Variants in PACSIN2 observed in about 807,000 individuals in gnomAD.
PACSIN2 encodes the protein protein kinase C and casein kinase substrate in neurons protein 2.
In PACSIN2, 25 loss-of-function variants were observed where a neutral mutation model predicts 63.8. The ratio of observed to expected loss-of-function variants is 0.39; its 90% CI spans 0.29 to 0.55. The LOEUF is 0.55. PACSIN2 is among the 20% of genes least tolerant of loss of function. The pLI is 0.62. For missense variants in PACSIN2, 518 were observed against 646.9 expected (o/e 0.80, Z 2.16); for synonymous variants, 255 against 256.2 (o/e 1.00, Z 0.05).
intron 1 of PACSIN2, among the ~76,000 whole-genome samples, chr22:42,953,117 TA>T (rs1287760543): frequency 4.0e-5 from 6 of 151,828 alleles, no homozygotes; most frequent in Non-Finnish European, 5.9e-5. Flanking sequence ...TTGCAGGATT[TA>T]AAAAAATCAG....
At chr22:42,987,259 A>G (rs1922680381) in intron 1 of PACSIN2, among the ~76,000 whole-genome samples, 2 of 152,128 alleles carry the variant, frequency 1.3e-5, no homozygotes, top group African/African-American at 4.8e-5. Context: ...AAGTGATAAC[A>G]GCACTAACCT....
At chr22:42,883,453 T>G (rs748838275) in intron 6 of PACSIN2, among the ~76,000 whole-genome samples, 1 of 152,252 alleles carries the variant, frequency 6.6e-6, no homozygotes, top group African/African-American at 2.4e-5. Flanking sequence ...TTCTGCTAGA[T>G]GGATGACAGT....
intron 7 of PACSIN2, among the ~76,000 whole-genome samples, chr22:42,880,811 T>C (rs550315950): frequency 7.7e-6 from 1 of 130,244 alleles, no homozygotes; most frequent in South Asian, 2.5e-4. Context: ...TCCTCCCCAC[T>C]GTGCCCCTCT....
chr22:42,917,159 A>C (rs570909259), intron 1 of PACSIN2, among the ~76,000 whole-genome samples: 3 of 152,282 alleles, frequency 2.0e-5, no homozygotes, highest in African/African-American at 7.2e-5. Context: ...GGCATTGTCA[A>C]AGCAAGGAAC....
At chr22:42,918,205 T>C (rs980213134) in intron 1 of PACSIN2, among the ~76,000 whole-genome samples, 1 of 152,198 alleles carries the variant, frequency 6.6e-6, no homozygotes, top group African/African-American at 2.4e-5. Context: ...ATAGCCATGC[T>C]CAACCTCATA....
Position 43,003,325 on chromosome 22 carries a change from G to A in PACSIN2, c.-78+11696C>T, listed in dbSNP as rs376359013. Among the ~76,000 whole-genome samples, 111 of 152,120 alleles carry A rather than the reference G, an allele frequency of 7.3e-4. 1 individual carries two copies. In the South Asian group the frequency reaches 0.019, roughly 26 times the overall value. ...TATCCCAAGCATAAAAACAAATATC[G>A]GCTGGGCGCGGTGGCTCACGCCTGT... On this transcript the variant is annotated intron_variant, in intron 1 of 10. Transcript: ENST00000263246.
At chr22:42,951,377 C>T (rs1396741332) in intron 1 of PACSIN2, among the ~76,000 whole-genome samples, 1 of 152,156 alleles carries the variant, frequency 6.6e-6, no homozygotes, top group Non-Finnish European at 1.5e-5. Context: ...TCTCTGTGCA[C>T]ACTAGTTTCC....
At chr22:42,892,187 G>C (rs1481479686) in intron 3 of PACSIN2, among the ~76,000 whole-genome samples, 1 of 152,158 alleles carries the variant, frequency 6.6e-6, no homozygotes, top group Admixed American at 6.5e-5. Context: ...GGGGTAGGGT[G>C]GGGTGGCGTG....
chr22:42,984,116 G>A (rs1193612896), intron 1 of PACSIN2, among the ~76,000 whole-genome samples: 1 of 151,858 alleles, frequency 6.6e-6, no homozygotes, highest in Non-Finnish European at 1.5e-5. Flanking sequence ...GATCATAGGT[G>A]TGCACCACCA....
At chr22:42,883,416 C>T (rs916391106) in intron 6 of PACSIN2, among the ~76,000 whole-genome samples, 4 of 152,210 alleles carry the variant, frequency 2.6e-5, no homozygotes, top group Admixed American at 1.3e-4. Flanking sequence ...AACAGCAAGC[C>T]TTGACCCGTG....
At chr22:42,962,156 C>T (rs1259628174) in intron 1 of PACSIN2, among the ~76,000 whole-genome samples, 1 of 150,820 alleles carries the variant, frequency 6.6e-6, no homozygotes, top group African/African-American at 2.5e-5. Context: ...CTACCTGTTC[C>T]CTCCCCCAAG....
chr22:42,919,279 GC>G (rs1358201412), intron 1 of PACSIN2, among the ~76,000 whole-genome samples: 1 of 152,138 alleles, frequency 6.6e-6, no homozygotes, highest in Non-Finnish European at 1.5e-5. Flanking sequence ...TGTCTGTAAG[GC>G]AGTACAACAT....
At chr22:42,941,643 G>T (rs1249777093) in intron 1 of PACSIN2, among the ~76,000 whole-genome samples, 1 of 152,184 alleles carries the variant, frequency 6.6e-6, no homozygotes, top group Non-Finnish European at 1.5e-5. Context: ...AATGACTAGT[G>T]ATATTGGGTA....
At chr22:42,992,553 G>A (rs778517167) in intron 1 of PACSIN2, among the ~76,000 whole-genome samples, 4 of 152,202 alleles carry the variant, frequency 2.6e-5, no homozygotes, top group Non-Finnish European at 5.9e-5. Flanking sequence ...TTCAAGATCA[G>A]TCTTGGCAAC....
chr22:43,007,721 G>GA, intron 1 of PACSIN2, among the ~76,000 whole-genome samples: 1 of 152,214 alleles, frequency 6.6e-6, no homozygotes, highest in East Asian at 1.9e-4. Flanking sequence ...CCGCCACAAT[G>GA]AAAAGAGAAG....
intron 5 of PACSIN2, 98 bp downstream of exon 5, chr22:42,888,544 TC>T: frequency 8.4e-7 from 1 of 1,187,004 alleles, no homozygotes; most frequent in Non-Finnish European, 1.2e-6. Context: ...TATCCCTCTA[TC>T]CACCCATTCA....
At chr22:42,876,756 G>T in intron 9 of PACSIN2, 132 bp downstream of exon 9, 1 of 1,193,248 alleles carries the variant, frequency 8.4e-7, no homozygotes, top group Non-Finnish European at 1.2e-6. Flanking sequence ...CCAGGGTGCG[G>T]CACGCCAGGT....
At chr22:42,877,157 T>C (rs1928704876) in intron 8 of PACSIN2, 147 bp from the exon 9 acceptor site, 4 of 812,830 alleles carry the variant, frequency 4.9e-6, no homozygotes, top group Admixed American at 2.3e-5. Context: ...AAGGTTACTA[T>C]GGCAGAATGC....
intron 1 of PACSIN2, among the ~76,000 whole-genome samples, chr22:42,935,077 G>C (rs544954086): frequency 6.6e-6 from 1 of 150,994 alleles, no homozygotes; most frequent in African/African-American, 2.4e-5. Context: ...CACCGCGCCC[G>C]GCTAATTTTT....
Sources: gnomAD v4.1 joint callset for allele counts (sites outside exome capture counted in the v4.1 genomes callset) on GRCh38, gnomAD v4.1.1 for gene constraint, MANE v1.5 for transcripts, NCBI Gene and HGNC (gene_info 2026-07-23, HGNC 2026-07-21) for gene names.